ANO10: variants seen among roughly 807,000 people sequenced by gnomAD.
The protein encoded by ANO10 is anoctamin 10.
A neutral mutation model predicts 74.7 loss-of-function variants in ANO10; 77 were observed. The ratio of observed to expected loss-of-function variants is 1.03; its 90% confidence interval spans 0.86 to 1.25. ANO10 has a LOEUF of 1.25. ANO10 is among the 50% of genes most tolerant of loss of function. ANO10 has a pLI of 0.00. For missense variants in ANO10, 721 were observed against 778.1 expected, an observed-to-expected ratio of 0.93 and a Z score of 0.87; for synonymous variants, 279 against 284.9, an observed-to-expected ratio of 0.98 and a Z score of 0.21.
intron 11 of ANO10, among the ~76,000 whole-genome samples, chr3:43,448,262 C>T (rs1281376583): frequency 6.6e-6 from 1 of 152,128 alleles, no homozygotes; most frequent in Non-Finnish European, 1.5e-5. Flanking sequence ...TGTCATGTAT[C>T]CACCATTACA....
intron 11 of ANO10, among the ~76,000 whole-genome samples, chr3:43,451,109 C>T (rs2074847231): frequency 6.6e-6 from 1 of 152,204 alleles, no homozygotes; most frequent in Non-Finnish European, 1.5e-5. Context: ...CACATCCTTG[C>T]AGGAACAGTT....
At chr3:43,633,588 A>T (rs879846929) in intron 1 of ANO10, among the ~76,000 whole-genome samples, 1 of 152,166 alleles carries the variant, frequency 6.6e-6, no homozygotes, top group Admixed American at 6.5e-5. Context: ...GTTCATTCTA[A>T]ATTTAGATTT....
At chr3:43,625,137 C>A (rs2083480195), upstream of ANO10, among the ~76,000 whole-genome samples, 1 of 152,204 alleles carries the variant, frequency 6.6e-6, no homozygotes, top group African/African-American at 2.4e-5. Flanking sequence ...CACTGCAGGG[C>A]AGCTCCCAGA....
At chr3:43,445,695 AT>A (rs945121292) in intron 11 of ANO10, among the ~76,000 whole-genome samples, 20 of 148,048 alleles carry the variant, frequency 1.4e-4, no homozygotes, top group South Asian at 2.1e-4. Flanking sequence ...CAGGCAATGC[AT>A]TTTTTTTTTG....
At chr3:43,395,730 C>T (rs995896685) in intron 12 of ANO10, among the ~76,000 whole-genome samples, 5 of 150,782 alleles carry the variant, frequency 3.3e-5, no homozygotes, top group African/African-American at 1.2e-4. Context: ...AGGTCCTTTG[C>T]ATTTCCATAT....
intron 12 of ANO10, among the ~76,000 whole-genome samples, chr3:43,396,981 G>A (rs552220220): frequency 2.0e-5 from 3 of 151,320 alleles, no homozygotes; most frequent in East Asian, 3.9e-4. Flanking sequence ...CCATGCTGGA[G>A]TGCAAAGGCG....
chr3:43,553,269 C>T (rs1405558383), intron 10 of ANO10, among the ~76,000 whole-genome samples: 2 of 152,102 alleles, frequency 1.3e-5, no homozygotes, highest in Admixed American at 6.5e-5. Flanking sequence ...CAAGTGTTTA[C>T]GATGTGTGTT....
At chr3:43,503,591 C>T (rs2077176942) in intron 11 of ANO10, among the ~76,000 whole-genome samples, 1 of 152,176 alleles carries the variant, frequency 6.6e-6, no homozygotes, top group East Asian at 1.9e-4. Context: ...GCTCACTCCC[C>T]CTTTGACTAA....
At position 43,565,731 on chromosome 3, in the gene ANO10, C is replaced by A. The variant is rs1414802525; in HGVS notation, c.1219-4G>T. The stretch of plus-strand genomic sequence containing the variant: ...CAAAGCAATTGAGGAAGTTGAACTG[C>A]CAAAAAAAAAAAAAAAAAAGATAAG... On this transcript the variant is annotated splice_polypyrimidine_tract_variant and splice_region_variant and intron_variant, in intron 7 of 12. Transcript: ENST00000292246. 1.0e-5 allele frequency: 15 copies of A among 1,468,344 alleles called. No individual in the cohort carries two copies. The highest frequency in any genetic ancestry group is 1.3e-5 in the Non-Finnish European group (15 of 1,111,148). The allele number at this position is 1,468,344 out of a possible 1,614,324, so 91.0% of individuals were successfully genotyped here. A position where few individuals can be genotyped will look rare whatever the true frequency, so the allele number is the denominator to read the frequency against.
At chr3:43,413,200 G>A (rs1429262476) in intron 12 of ANO10, among the ~76,000 whole-genome samples, 1 of 152,160 alleles carries the variant, frequency 6.6e-6, no homozygotes, top group African/African-American at 2.4e-5. Context: ...AGAGGCCACA[G>A]GAGAGAATGG....
chr3:43,527,414 A>G (rs1478088692), intron 11 of ANO10, among the ~76,000 whole-genome samples: 1 of 152,190 alleles, frequency 6.6e-6, no homozygotes, highest in Non-Finnish European at 1.5e-5. Flanking sequence ...TTCATATATA[A>G]ATATATTTAA....
intron 12 of ANO10, among the ~76,000 whole-genome samples, chr3:43,427,360 A>G (rs1461871287): frequency 2.6e-5 from 4 of 152,154 alleles, no homozygotes; most frequent in Non-Finnish European, 5.9e-5. Flanking sequence ...CGATTTAGGG[A>G]AGAAGAATCT....
At chr3:43,413,361 T>G (rs1194264990) in intron 12 of ANO10, among the ~76,000 whole-genome samples, 1 of 152,104 alleles carries the variant, frequency 6.6e-6, no homozygotes, top group Non-Finnish European at 1.5e-5. Context: ...GTCTGGATCA[T>G]GGGGGTAGAT....
intron 1 of ANO10, among the ~76,000 whole-genome samples, chr3:43,687,693 T>C (rs972108463): frequency 1.3e-5 from 2 of 152,160 alleles, no homozygotes; most frequent in African/African-American, 2.4e-5. Flanking sequence ...AATTGGTTAG[T>C]AGGTCACAAA....
intron 2 of ANO10, among the ~76,000 whole-genome samples, chr3:43,605,070 A>G (rs1431971172): frequency 6.6e-6 from 1 of 152,150 alleles, no homozygotes; most frequent in Non-Finnish European, 1.5e-5. Flanking sequence ...TAAAACACTA[A>G]AACACCCGCT....
chr3:43,472,041 A>G (rs1030652567), intron 11 of ANO10, among the ~76,000 whole-genome samples: 4 of 152,258 alleles, frequency 2.6e-5, no homozygotes, highest in African/African-American at 9.6e-5. Flanking sequence ...TCCACACGAT[A>G]GTACACTACT....
intron 4 of ANO10, among the ~76,000 whole-genome samples, chr3:43,586,148 A>C (rs1437317085): frequency 1.3e-5 from 2 of 152,170 alleles, no homozygotes; most frequent in Non-Finnish European, 2.9e-5. Context: ...GCAGGCAATG[A>C]GGGTGCGTGA....
intron 1 of ANO10, among the ~76,000 whole-genome samples, chr3:43,654,592 A>C (rs2083825768): frequency 6.6e-6 from 1 of 152,188 alleles, no homozygotes; most frequent in Non-Finnish European, 1.5e-5. Context: ...CCAAAATGTG[A>C]TGAGAGAACT....
At chr3:43,375,732 G>A (rs888385204) in intron 12 of ANO10, among the ~76,000 whole-genome samples, 21 of 152,160 alleles carry the variant, frequency 1.4e-4, no homozygotes, top group Non-Finnish European at 2.6e-4. Context: ...CTGGACTCCA[G>A]AGTCAGAGAG....
Sources: allele counts gnomAD v4.1 joint callset (sites outside exome capture counted in the v4.1 genomes callset), GRCh38; gene constraint gnomAD v4.1.1; transcripts MANE v1.5; gene names NCBI Gene and HGNC (gene_info 2026-07-23, HGNC 2026-07-21).